UGT2A1: variants seen among roughly 807,000 people sequenced by gnomAD.
The protein encoded by UGT2A1 is UDP glucuronosyltransferase family 2 member A1 complex locus, also known as UDP-glucuronosyltransferase 2A1.
Under a neutral mutation model 45.4 loss-of-function variants are expected in UGT2A1, and 61 were observed. That is an observed-to-expected ratio of 1.34 (90% CI 1.09 to 1.66). The LOEUF (loss-of-function observed/expected upper bound fraction) is 1.66. Ranked by LOEUF, UGT2A1 falls within the 40% of genes most tolerant of loss-of-function variation. The pLI, the probability that UGT2A1 is intolerant of heterozygous loss-of-function variation, is 0.00. For synonymous variants in UGT2A1, 229 were observed against 196.2 expected (o/e 1.17, Z -1.40); for missense variants, 649 against 574.3 (o/e 1.13, Z -1.33).
chr4:69,639,457 G>C lies in UGT2A1; in HGVS notation c.716-3635C>G, dbSNP rs1358635261. ...ATGAATAGAGTTGCTGATGAAGCCA[G>C]TACAGTCACATTGTGATTTCTTTGA... On this transcript the variant is annotated intron_variant, in intron 2 of 6. Transcript: ENST00000286604. The C allele has an allele frequency of 3.1e-6, 5 of 1,613,066 alleles. No individual in the cohort carries two copies. The South Asian group carries it at 5.5e-5, about 18-fold the overall frequency.
At chr4:69,633,519 T>C (rs1721502950) in intron 3 of UGT2A1, among the ~76,000 whole-genome samples, 1 of 152,176 alleles carries the variant, frequency 6.6e-6, no homozygotes, top group Non-Finnish European at 1.5e-5. Flanking sequence ...GTGTTCATCA[T>C]AAGGTGGCAA....
intron 3 of UGT2A1, among the ~76,000 whole-genome samples, chr4:69,629,843 C>T (rs545658379): frequency 6.6e-5 from 10 of 152,136 alleles, no homozygotes; most frequent in East Asian, 3.9e-4. Context: ...TCCTGTGAGT[C>T]TTTCTAGTGA....
chr4:69,610,135 T>C (rs544446426), intron 3 of UGT2A1, among the ~76,000 whole-genome samples: 3 of 152,132 alleles, frequency 2.0e-5, no homozygotes, highest in Non-Finnish European at 2.9e-5. Context: ...GTTGATATAG[T>C]TTCTAAAAGT....
At chr4:69,643,213 A>G (rs1036886020) in intron 2 of UGT2A1, among the ~76,000 whole-genome samples, 1 of 151,616 alleles carries the variant, frequency 6.6e-6, no homozygotes, top group Admixed American at 6.6e-5. Flanking sequence ...TTGACAAATC[A>G]AAAATAGGCA....
chr4:69,624,098 A>T (rs1170260657), intron 3 of UGT2A1, among the ~76,000 whole-genome samples: 3 of 151,584 alleles, frequency 2.0e-5, no homozygotes, highest in Admixed American at 6.6e-5. Flanking sequence ...ATCTCCAAGT[A>T]TAAATGGGAA....
intron 2 of UGT2A1, among the ~76,000 whole-genome samples, chr4:69,645,829 C>G (rs1007436420): frequency 3.3e-5 from 5 of 151,842 alleles, no homozygotes; most frequent in African/African-American, 1.2e-4. Context: ...CCATGTCTCC[C>G]TACCTTACAC....
chr4:69,604,919 A>G (rs1244558858), intron 3 of UGT2A1, among the ~76,000 whole-genome samples: 1 of 136,950 alleles, frequency 7.3e-6, no homozygotes, highest in Middle Eastern at 3.8e-3. Context: ...AGATTCATAA[A>G]GCAAGTCCTT....
rs1025298715 is a variant in UGT2A1 at position 69,628,445 on chromosome 4, C to T, written c.847+7246G>A. The stretch of plus-strand genomic sequence containing the variant: ...AATGGAGAGTCTAGAAAGAAACCTA[C>T]CCATATATGGTCAGCTGGTCTTTCA... On this transcript the variant is annotated intron_variant, in intron 3 of 6. Coordinates refer to ENST00000286604, the MANE Select transcript of UGT2A1 (RefSeq NM_001252275.3). Among the ~76,000 whole-genome samples the T allele has an allele frequency of 1.8e-4, 27 of 151,618 alleles. 1 individual carries two copies. The highest frequency in any genetic ancestry group is 1.3e-3 in the Admixed American group (20 of 15,174).
At chr4:69,635,445 T>C (rs1485846693) in intron 3 of UGT2A1, among the ~76,000 whole-genome samples, 2 of 152,204 alleles carry the variant, frequency 1.3e-5, no homozygotes, top group Admixed American at 6.5e-5. Flanking sequence ...GGGCTTAACC[T>C]TTCTATTGCT....
intron 3 of UGT2A1, among the ~76,000 whole-genome samples, 154 bp downstream of exon 3, chr4:69,635,537 T>C (rs1721627786): frequency 6.6e-6 from 1 of 151,986 alleles, no homozygotes; most frequent in Non-Finnish European, 1.5e-5. Context: ...GAGGAAGAAA[T>C]AAAGTTCAGA....
chr4:69,612,990 G>T (rs1328230448), intron 3 of UGT2A1, among the ~76,000 whole-genome samples: 2 of 148,836 alleles, frequency 1.3e-5, no homozygotes, highest in Admixed American at 6.7e-5. Flanking sequence ...TTTAATAAAG[G>T]TCTAATATCC....
At chr4:69,620,705 C>T (rs371012588) in intron 3 of UGT2A1, among the ~76,000 whole-genome samples, 1 of 146,824 alleles carries the variant, frequency 6.8e-6, no homozygotes. Context: ...ACAAAAAGAA[C>T]GAAGATGGAG....
intron 3 of UGT2A1, among the ~76,000 whole-genome samples, chr4:69,605,198 G>A (rs956568674): frequency 7.3e-6 from 1 of 136,610 alleles, no homozygotes; most frequent in Non-Finnish European, 1.6e-5. Flanking sequence ...AAATGTAAAA[G>A]AACAGAAATT....
intron 3 of UGT2A1, among the ~76,000 whole-genome samples, chr4:69,617,576 A>G (rs1171640010): frequency 6.6e-6 from 1 of 151,888 alleles, no homozygotes; most frequent in East Asian, 1.9e-4. Flanking sequence ...AGGAAGAAAG[A>G]CTGTTTCAAA....
At chr4:69,652,441 A>T (rs1021526168) in intron 1 of UGT2A1, among the ~76,000 whole-genome samples, 1 of 151,028 alleles carries the variant, frequency 6.6e-6, no homozygotes, top group East Asian at 2.0e-4. Flanking sequence ...CCACCACCAC[A>T]CCTGTCTAAT....
chr4:69,652,030 C>A (rs1302093424), intron 1 of UGT2A1, among the ~76,000 whole-genome samples: 6 of 152,134 alleles, frequency 3.9e-5, no homozygotes, highest in Non-Finnish European at 8.8e-5. Context: ...TGTTCTAAAG[C>A]CTTTAAAATA....
At chr4:69,625,103 T>A (rs1720967857) in intron 3 of UGT2A1, among the ~76,000 whole-genome samples, 1 of 151,268 alleles carries the variant, frequency 6.6e-6, no homozygotes. Context: ...ATTTTAGTAC[T>A]TTTTAGGTGT....
At chr4:69,650,609 A>T (rs116418527) in intron 1 of UGT2A1, among the ~76,000 whole-genome samples, 25,528 of 152,026 alleles carry the variant, frequency 0.17, 2,589 homozygotes, top group Middle Eastern at 0.22. Flanking sequence ...AAAATACCAT[A>T]AATTATTATG....
chr4:69,599,683 T>C, intron 3 of UGT2A1: 1 of 237,696 alleles, frequency 4.2e-6, no homozygotes, highest in South Asian at 1.2e-4. Flanking sequence ...AAGAAAGAGG[T>C]AGAAATAAAG....
Sources: allele counts gnomAD v4.1 joint callset (sites outside exome capture counted in the v4.1 genomes callset), GRCh38; gene constraint gnomAD v4.1.1; transcripts MANE v1.5; gene names NCBI Gene and HGNC (gene_info 2026-07-23, HGNC 2026-07-21).